Variants in ZNF678 observed in about 807,000 individuals in gnomAD.
ZNF678 encodes zinc finger protein 678.
ZNF678 carries 5 observed loss-of-function variants against 3.0 expected under a neutral mutation model. The ratio of observed to expected loss-of-function variants is 1.69; its 90% CI spans 0.88 to 3.56. ZNF678 has a LOEUF of 3.56. Ranked by LOEUF, ZNF678 falls within the 30% of genes most tolerant of loss-of-function variation. The probability of loss-of-function intolerance (pLI) is 0.00; values close to 1 mark genes in which losing one functional copy is unlikely to be tolerated. For synonymous variants in ZNF678, 218 were observed against 199.6 expected (o/e 1.09, Z -0.78); for missense variants, 593 against 605.0 (o/e 0.98, Z 0.21).
chr1:227,575,281 A>G (rs1571858634), intron 1 of ZNF678, among the ~76,000 whole-genome samples: 2 of 152,180 alleles, frequency 1.3e-5, no homozygotes, highest in African/African-American at 2.4e-5. Context: ...TCTGTGAAGC[A>G]TCTCATTGGT....
chr1:227,589,600 A>G (rs1657355225), intron 1 of ZNF678, among the ~76,000 whole-genome samples: 1 of 151,532 alleles, frequency 6.6e-6, no homozygotes, highest in Admixed American at 6.6e-5. Context: ...AGGGCTCACA[A>G]CTCTAAGGGG....
Position 227,657,918 on chromosome 1 carries a change from G to T in ZNF678, c.*2090G>T, listed in dbSNP as rs1443474998. 1 of 151,902 alleles carries T rather than the reference G, an allele frequency of 6.6e-6. No individual in the cohort carries two copies. Among genetic ancestry groups the T allele is most frequent in the African/African-American group, 2.4e-5 (1 of 41,394 alleles). The allele number at this position is 151,902 out of a possible 1,614,324, so 9.4% of individuals were successfully genotyped here. A position where few individuals can be genotyped will look rare whatever the true frequency, so the allele number is the denominator to read the frequency against. ...GGCTGCTGGCTCAGAATCTTCTCAT[G>T]CAAATCCTGTTTTTTTCTTGTCTGT... On this transcript the variant is annotated 3_prime_UTR_variant, in exon 4 of 4. Transcript: ENST00000343776.
chr1:227,603,036 CCATA>C (rs1289056420), intron 1 of ZNF678, among the ~76,000 whole-genome samples: 1 of 151,778 alleles, frequency 6.6e-6, no homozygotes, highest in Non-Finnish European at 1.5e-5. Flanking sequence ...AACTTGTGAC[CCATA>C]CAAGCATGTG....
intron 1 of ZNF678, among the ~76,000 whole-genome samples, chr1:227,574,144 T>G (rs1656928962): frequency 6.6e-6 from 1 of 152,114 alleles, no homozygotes; most frequent in Non-Finnish European, 1.5e-5. Flanking sequence ...ATACATGCAT[T>G]TGTCTTTATA....
chr1:227,644,020 C>G (rs919161377), intron 1 of ZNF678, among the ~76,000 whole-genome samples: 3 of 151,830 alleles, frequency 2.0e-5, no homozygotes, highest in Admixed American at 6.6e-5. Context: ...GCCACCATGA[C>G]GCCCAGCTAA....
chr1:227,646,671 G>A lies in ZNF678; in HGVS notation c.-37+1G>A. On this transcript the variant is annotated splice_donor_variant, in intron 2 of 3. Coordinates refer to ENST00000343776, the MANE Select transcript of ZNF678 (RefSeq NM_001367909.1). LOFTEE classifies it low-confidence loss of function (5UTR_SPLICE). ...AACTACAGAAACCTGGTCTCCCTGG[G>A]TGAGGATAACTTCAATACACAATTT... The A allele has an allele frequency of 7.3e-7, 1 of 1,371,514 alleles. No individual in the cohort carries two copies. Among genetic ancestry groups the A allele is most frequent in the Non-Finnish European group, 9.8e-7 (1 of 1,024,512 alleles). The allele number at this position is 1,371,514 out of a possible 1,614,324, so 85.0% of individuals were successfully genotyped here.
In ZNF678 at chr1:227,605,911, A is replaced by G. The variant is rs950569086; in HGVS notation, c.-163-40633A>G. On this transcript the variant is annotated intron_variant, in intron 1 of 3. Transcript: ENST00000343776. The stretch of plus-strand genomic sequence containing the variant: ...AAGTATAAGCATAAATGGATAAATT[A>G]ATTGTTCTCTAGATGTTATAACTAC... 6.6e-5 allele frequency among the ~76,000 whole-genome samples: 10 copies of G among 152,360 alleles called. 1 individual carries two copies. Among genetic ancestry groups the G allele is most frequent in the Admixed American group, 4.6e-4 (7 of 15,310 alleles).
chr1:227,606,333 G>A (rs557675038), intron 1 of ZNF678, among the ~76,000 whole-genome samples: 2 of 152,316 alleles, frequency 1.3e-5, no homozygotes, highest in South Asian at 2.1e-4. Flanking sequence ...TCAAGGGAAC[G>A]TACTGTGCCC....
chr1:227,651,215 G>T lies in ZNF678; in HGVS notation c.85+139G>T. ...GTCTTTGGTGGGCTTATTACCAGGG[G>T]CTTGTGTGCTTGTGAATTCTGTCTT... On this transcript the variant is annotated intron_variant, in intron 3 of 3. Transcript: ENST00000343776. 3 of 880,940 alleles carry T rather than the reference G, an allele frequency of 3.4e-6. No individual in the cohort carries two copies. The Admixed American group carries it at 8.8e-5, about 26-fold the overall frequency. 54.6% of individuals were successfully genotyped at this position (880,940 alleles called of 1,614,324 possible). A position where few individuals can be genotyped will look rare whatever the true frequency, so the allele number is the denominator to read the frequency against.
At chr1:227,636,180 T>C (rs547944597) in intron 1 of ZNF678, among the ~76,000 whole-genome samples, 19 of 152,230 alleles carry the variant, frequency 1.2e-4, no homozygotes, top group African/African-American at 4.6e-4. Context: ...CCCCTACCAG[T>C]GTTTTAAATC....
At chr1:227,595,635 C>T (rs1015076501) in intron 1 of ZNF678, among the ~76,000 whole-genome samples, 3 of 152,144 alleles carry the variant, frequency 2.0e-5, no homozygotes, top group East Asian at 1.9e-4. Context: ...TCAAACCACA[C>T]GCACACCACA....
intron 1 of ZNF678, among the ~76,000 whole-genome samples, chr1:227,596,453 A>C (rs888911846): frequency 6.6e-6 from 1 of 152,196 alleles, no homozygotes; most frequent in East Asian, 1.9e-4. Flanking sequence ...AGGGATTTTT[A>C]CAATGCTCTT....
chr1:227,676,449 C>T (rs1659680986), intron 5 of ZNF678, among the ~76,000 whole-genome samples: 1 of 152,164 alleles, frequency 6.6e-6, no homozygotes, highest in South Asian at 2.1e-4. Context: ...AACCTTAAGA[C>T]AGTGATTTCT....
intron 1 of ZNF678, among the ~76,000 whole-genome samples, chr1:227,587,332 GCAAAACAAAACAAAA>G (rs533441068): frequency 2.1e-3 from 313 of 151,524 alleles, no homozygotes; most frequent in Non-Finnish European, 3.1e-3. Flanking sequence ...TATATAGGAG[GCAAAACAAAACAAAA>G]CAAAACAAAA....
chr1:227,626,783 TGTAAG>T (rs770160584), intron 1 of ZNF678, among the ~76,000 whole-genome samples: 1 of 151,978 alleles, frequency 6.6e-6, no homozygotes, highest in Non-Finnish European at 1.5e-5. Context: ...CCGGGCTCAG[TGTAAG>T]TGATATTGTA....
At chr1:227,595,870 G>A (rs1319620393) in intron 1 of ZNF678, among the ~76,000 whole-genome samples, 1 of 152,146 alleles carries the variant, frequency 6.6e-6, no homozygotes. Flanking sequence ...AAGTTCCCAA[G>A]ACCAGTCCTG....
intron 1 of ZNF678, among the ~76,000 whole-genome samples, chr1:227,565,537 A>T (rs2029835): frequency 0.44 from 66,750 of 151,266 alleles, 15,329 homozygotes; most frequent in African/African-American, 0.56. Context: ...TTTTTATTTT[A>T]TTTTTTTGTA....
In ZNF678 at chr1:227,655,504, TCACCTAACTAGC is replaced by T; in HGVS notation, c.1257_1268del (p.Leu420_His423del). On this transcript the variant is annotated inframe_deletion, in exon 4 of 4. Transcript: ENST00000343776. ...GTGGGAAAGTTTTTAAACAGTGCTC[TCACCTAACTAGC>T]CATAAGAGAATTCATACTGGAGAGA... 6.3e-7 allele frequency: 1 copy of T among 1,582,142 alleles called. No individual in the cohort carries two copies. Among genetic ancestry groups the T allele is most frequent in the Non-Finnish European group, 8.6e-7 (1 of 1,166,552 alleles).
intron 1 of ZNF678, among the ~76,000 whole-genome samples, chr1:227,635,712 C>T (rs1037847001): frequency 2.6e-5 from 4 of 152,044 alleles, no homozygotes; most frequent in Non-Finnish European, 5.9e-5. Flanking sequence ...ATTGTTGTAC[C>T]CGGATGGCCT....
Sources: gnomAD v4.1 joint callset for allele counts (sites outside exome capture counted in the v4.1 genomes callset) on GRCh38, gnomAD v4.1.1 for gene constraint, MANE v1.5 for transcripts, NCBI Gene and HGNC (gene_info 2026-07-23, HGNC 2026-07-21) for gene names.